The following PLXNB2 variants were observed in gnomAD, a reference collection of about 807,000 sequenced individuals.
PLXNB2 encodes plexin B2, also known as plexin-B2.
A neutral mutation model predicts 202.6 loss-of-function variants in PLXNB2; 85 were observed. The observed-to-expected ratio is 0.42, with a 90% CI of 0.35 to 0.50. The LOEUF (loss-of-function observed/expected upper bound fraction) is 0.50. PLXNB2 is among the 20% of genes least tolerant of loss of function. The probability of loss-of-function intolerance (pLI) is 0.02; values close to 1 mark genes in which losing one functional copy is unlikely to be tolerated. For synonymous variants in PLXNB2, 1,239 were observed against 1,137.6 expected (o/e 1.09, Z -1.79); for missense variants, 2,063 against 2,586.2 (o/e 0.80, Z 4.39).
At chr22:50,294,084 G>A (rs1213490775) in intron 2 of PLXNB2, among the ~76,000 whole-genome samples, 4 of 152,214 alleles carry the variant, frequency 2.6e-5, no homozygotes, top group African/African-American at 4.8e-5. Flanking sequence ...AAGCTCCGGC[G>A]GCGCAGGAGG....
At chr22:50,286,435 C>T (rs946100748) in intron 8 of PLXNB2, 148 bp from the exon 9 acceptor site, 14 of 615,172 alleles carry the variant, frequency 2.3e-5, no homozygotes, top group Non-Finnish European at 3.2e-5. Flanking sequence ...TCATGTTGGG[C>T]GGGGCCTGCC....
intron 1 of PLXNB2, among the ~76,000 whole-genome samples, chr22:50,303,113 C>T (rs2067767983): frequency 6.6e-6 from 1 of 151,952 alleles, no homozygotes; most frequent in Non-Finnish European, 1.5e-5. Flanking sequence ...CTTGCTTCCC[C>T]CAGGAGAGAC....
At chr22:50,296,859 GACATGCAGTGAC>G (rs1045396370) in intron 1 of PLXNB2, among the ~76,000 whole-genome samples, 11 of 152,260 alleles carry the variant, frequency 7.2e-5, no homozygotes, top group East Asian at 3.9e-4. Context: ...CCCGGGGTTG[GACATGCAGTGAC>G]ACCAGCAGGG....
At chr22:50,294,245 C>T (rs1482063390) in intron 2 of PLXNB2, among the ~76,000 whole-genome samples, 2 of 152,396 alleles carry the variant, frequency 1.3e-5, no homozygotes, top group African/African-American at 4.8e-5. Context: ...TGCCTTCCTC[C>T]TGGCTGAAGC....
In PLXNB2 at chr22:50,307,633, C is replaced by G. The variant is rs1649393357; in HGVS notation, c.-154G>C. 2.0e-6 allele frequency: 2 copies of G among 980,796 alleles called. No individual in the cohort carries two copies. The highest frequency in any genetic ancestry group is 2.4e-6 in the Non-Finnish European group (2 of 828,242). 60.8% of individuals were successfully genotyped at this position (980,796 alleles called of 1,614,324 possible). A position where few individuals can be genotyped will look rare whatever the true frequency, so the allele number is the denominator to read the frequency against. ...CTGGCCCGCGCTGCTGCCATGGAGA[C>G]GGGGCCTTTGTGTGGCCGAGGAGGG... On this transcript the variant is annotated 5_prime_UTR_variant, in exon 1 of 37. Transcript: ENST00000359337.
chr22:50,283,732 G>T lies in PLXNB2; in HGVS notation c.2440C>A (p.Pro814Thr), dbSNP rs774241133. 2.2e-5 allele frequency: 35 copies of T among 1,613,098 alleles called. No homozygotes were observed. Among genetic ancestry groups the T allele is most frequent in the Non-Finnish European group, 2.9e-5 (34 of 1,179,938 alleles). ...GTGATGCGGATGCCCCCACCCAGGG[G>T]GCCCGTCTCAGGCTGGATCTGAAAC... Reference protein sequence around the residue: ...VITRIQPETGPLGGGIRITIL... With the variant: ...VITRIQPETGTLGGGIRITIL... Residue 814 changes from proline to threonine, a missense_variant, in exon 15 of 37, where the codon CCC becomes ACC. By Grantham distance (38) the Pro-to-Thr change is conservative. Coordinates refer to ENST00000359337, the MANE Select transcript of PLXNB2 (RefSeq NM_012401.4).
rs1569164144 is a variant in PLXNB2, at chr22:50,283,190, A to G, written c.2680-4T>C. ...CCACACTGAGAGGCTTGGGCTGCTG[A>G]AAGAGCCGCAGGGGCACTCGGGTGA... On this transcript the variant is annotated splice_polypyrimidine_tract_variant and splice_region_variant and intron_variant, in intron 16 of 36. Transcript: ENST00000359337. The G allele has an allele frequency of 1.3e-6, 2 of 1,598,790 alleles. No individual in the cohort carries two copies. Among genetic ancestry groups the G allele is most frequent in the Non-Finnish European group, 8.5e-7 (1 of 1,174,034 alleles).
chr22:50,279,995 T>C lies in PLXNB2; in HGVS notation c.4242+10A>G. On this transcript the variant is annotated intron_variant, in intron 26 of 36. Coordinates refer to ENST00000359337, the MANE Select transcript of PLXNB2 (RefSeq NM_012401.4). Reference sequence around the variant, plus strand: ...CCCTCAAGCCCCAGCCAGGCTGGGGTGGAACCCACCTTGAGGTACTGGTAC... The same window carrying C: ...CCCTCAAGCCCCAGCCAGGCTGGGGCGGAACCCACCTTGAGGTACTGGTAC... 2 of 1,596,280 alleles carry C rather than the reference T, an allele frequency of 1.3e-6. No homozygotes were observed. The highest frequency in any genetic ancestry group is 2.2e-5 in the South Asian group (2 of 89,086).
chr22:50,299,318 CG>C (rs1470931928), intron 1 of PLXNB2, among the ~76,000 whole-genome samples: 1 of 32,544 alleles, frequency 3.1e-5, no homozygotes, highest in East Asian at 7.4e-4. Context: ...GGGCCCGGTG[CG>C]GGGGCGGGGG....
intron 1 of PLXNB2, chr22:50,301,569 C>G (rs747590952): frequency 1.2e-5 from 2 of 168,702 alleles, no homozygotes; most frequent in Non-Finnish European, 2.4e-5. Context: ...GTGCCCAGCC[C>G]CACCTGCAGG....
At chr22:50,294,212 G>A (rs565197260) in intron 2 of PLXNB2, among the ~76,000 whole-genome samples, 2 of 152,376 alleles carry the variant, frequency 1.3e-5, no homozygotes, top group East Asian at 3.9e-4. Context: ...CGGGGCTGGC[G>A]GGGATTTCCT....
Position 50,280,977 on chromosome 22 carries a change from G to C in PLXNB2, c.3764-4C>G, listed in dbSNP as rs756096466. 8.7e-6 allele frequency: 14 copies of C among 1,612,208 alleles called. No individual in the cohort carries two copies. The highest frequency in any genetic ancestry group is 8.3e-5 in the Admixed American group (5 of 59,970). On this transcript the variant is annotated splice_polypyrimidine_tract_variant and splice_region_variant and intron_variant, in intron 23 of 36. Transcript: ENST00000359337. ...TCCTCCATCTCGATCATCAGGTCTG[G>C]GGGGAGGCTGGCGTGAGACGTCCCT...
In PLXNB2 at chr22:50,288,782, A is replaced by G. The variant is rs753308612; in HGVS notation, c.1341T>C (p.Ser447=). ...TGGCGTACAGGCTGCCCAGGTCTCC[A>G]GACAGTACCAGGTCGCGCTTGACTC... is the stretch of plus-strand genomic sequence containing the variant. ...NKRVKRDLVL[S]GDLGSLYAMT... is the part of the protein sequence containing the mutation. The change falls in exon 5 of 37, where the codon TCT becomes TCC. Residue 447 remains serine, a synonymous_variant. Coordinates refer to ENST00000359337, the MANE Select transcript of PLXNB2 (RefSeq NM_012401.4). This position sits in a 1 kb window ranked among gnomAD's most constrained non-coding sequence, Gnocchi z 5.0. 6.2e-7 allele frequency: 1 copy of G among 1,613,110 alleles called. No homozygotes were observed. The highest frequency in any genetic ancestry group is 1.1e-5 in the South Asian group (1 of 91,088).
intron 1 of PLXNB2, among the ~76,000 whole-genome samples, chr22:50,298,281 G>T (rs989517686): frequency 1.1e-4 from 16 of 152,158 alleles, no homozygotes; most frequent in African/African-American, 3.9e-4. Context: ...GGGATGCTGG[G>T]CCTCCCCTCT....
intron 1 of PLXNB2, among the ~76,000 whole-genome samples, chr22:50,300,538 G>C (rs28533833): frequency 0.046 from 7,053 of 152,126 alleles, 533 homozygotes; most frequent in African/African-American, 0.16. Flanking sequence ...ACCCGACCTA[G>C]GAGCTGGGGC....
rs2066281072 is a variant in PLXNB2, at chr22:50,284,566, G to GCGTA, written c.2181+6_2181+7insTACG. The GCGTA allele has an allele frequency of 6.2e-7, 1 of 1,607,482 alleles. No homozygotes were observed. The highest frequency in any genetic ancestry group is 1.7e-5 in the Admixed American group (1 of 59,800). Reference sequence around the variant, plus strand: ...AGCAGCCGAGCCGGCCTGCCCTGGAGCCGTACCTTTGGGGTCCGAAAGGCG... The same window carrying GCGTA: ...AGCAGCCGAGCCGGCCTGCCCTGGAGCGTACCGTACCTTTGGGGTCCGAAAGGCG... On this transcript the variant is annotated splice_region_variant and intron_variant, in intron 12 of 36. Transcript: ENST00000359337. The surrounding 1 kb of genome is among the most constrained non-coding windows in gnomAD (Gnocchi z 8.0).
chr22:50,290,095 C>T lies in PLXNB2; in HGVS notation c.490G>A (p.Gly164Ser), dbSNP rs774141104. The change falls in exon 3 of 37, where the codon GGT becomes AGT. Residue 164 changes from glycine to serine, a missense_variant. By Grantham distance (56) the Gly-to-Ser change is moderately conservative. This residue lies in a region of PLXNB2 where 1,303 missense variants were observed against 1,476.8 expected (regional missense o/e 0.88). Transcript: ENST00000359337. ...VGLVSSTGPGGDRVLFVGKGN... is the reference protein window; with the variant it reads ...VGLVSSTGPGSDRVLFVGKGN... ...TTGCCCACAAACAGCACGCGGTCAC[C>T]ACCAGGACCCGTGGAGCTCACCAGC... 2 of 1,613,178 alleles carry T rather than the reference C, an allele frequency of 1.2e-6. No individual in the cohort carries two copies. The highest frequency in any genetic ancestry group is 2.7e-5 in the African/African-American group (2 of 75,072).
intron 22 of PLXNB2, 51 bp from the exon 23 acceptor site, chr22:50,281,240 T>C: frequency 1.3e-6 from 2 of 1,576,038 alleles, no homozygotes; most frequent in East Asian, 2.3e-5. Context: ...GCCGCTCAGC[T>C]GCCCGGATGA....
chr22:50,284,579 G>A lies in PLXNB2; in HGVS notation c.2175C>T (p.Thr725=). The stretch of plus-strand genomic sequence containing the variant: ...GCCTGCCCTGGAGCCGTACCTTTGG[G>A]GTCCGAAAGGCGAAGGTCCCAGATT... The part of the protein sequence containing the change: ...MQESGTFAFR[T]PKLSHDANET... Residue 725 remains threonine (T), a synonymous_variant, in exon 12 of 37, where the codon ACC becomes ACT. Coordinates refer to ENST00000359337, the MANE Select transcript of PLXNB2 (RefSeq NM_012401.4). The surrounding 1 kb of genome is among the most constrained non-coding windows in gnomAD (Gnocchi z 8.0). 1 of 1,611,544 alleles carries A rather than the reference G, an allele frequency of 6.2e-7. No homozygotes were observed. Among genetic ancestry groups the A allele is most frequent in the Non-Finnish European group, 8.5e-7 (1 of 1,178,846 alleles).
Sources: gnomAD v4.1 joint callset for allele counts (sites outside exome capture counted in the v4.1 genomes callset) on GRCh38, gnomAD v4.1.1 for gene constraint, gnomAD v4.1.1 regional missense constraint, Gnocchi (gnomAD v3.1) non-coding constraint, MANE v1.5 for transcripts, NCBI Gene and HGNC (gene_info 2026-07-23, HGNC 2026-07-21) for gene names.